Variants in CADM2 observed in about 807,000 individuals in gnomAD.
CADM2 encodes cell adhesion molecule 2.
Under a neutral mutation model 49.8 loss-of-function variants are expected in CADM2, and 12 were observed. The observed-to-expected ratio is 0.24, with a 90% CI of 0.15 to 0.39. The LOEUF (loss-of-function observed/expected upper bound fraction) is 0.39, where lower values mean the gene tolerates loss of function less well. CADM2 is among the 10% of genes least tolerant of loss of function. CADM2 has a pLI of 1.00. For synonymous variants in CADM2, 214 were observed against 175.4 expected, an observed-to-expected ratio of 1.22 and a Z score of -1.74; for missense variants, 378 against 492.3, an observed-to-expected ratio of 0.77 and a Z score of 2.20.
intron 1 of CADM2, among the ~76,000 whole-genome samples, chr3:85,001,373 A>G (rs80305277): frequency 0.045 from 6,743 of 150,628 alleles, 183 homozygotes; most frequent in East Asian, 0.1. Flanking sequence ...CTATCTATCC[A>G]TCTATCCATC....
intron 1 of CADM2, among the ~76,000 whole-genome samples, chr3:85,632,024 A>G (rs928629212): frequency 5.3e-5 from 8 of 152,106 alleles, no homozygotes; most frequent in Non-Finnish European, 1.5e-5. Flanking sequence ...TACAATACTT[A>G]AATGGCTTCT....
intron 8 of CADM2, among the ~76,000 whole-genome samples, chr3:85,990,170 G>A (rs954437655): frequency 2.0e-5 from 3 of 151,872 alleles, no homozygotes; most frequent in Admixed American, 6.6e-5. Flanking sequence ...CCTTCACGAT[G>A]GCACAAAAGT....
intron 1 of CADM2, among the ~76,000 whole-genome samples, chr3:85,313,429 C>T (rs1468228151): frequency 6.6e-6 from 1 of 152,158 alleles, no homozygotes; most frequent in Non-Finnish European, 1.5e-5. Context: ...TTGCTTTTCT[C>T]CCCCAGGATT....
intron 1 of CADM2, among the ~76,000 whole-genome samples, chr3:85,030,749 C>T (rs1001716591): frequency 2.6e-5 from 4 of 152,128 alleles, no homozygotes; most frequent in African/African-American, 4.8e-5. Flanking sequence ...TCAATCTTGG[C>T]GTACACGAGT....
chr3:84,979,801 C>CT (rs994533231), intron 1 of CADM2, among the ~76,000 whole-genome samples: 2 of 151,666 alleles, frequency 1.3e-5, no homozygotes, highest in Non-Finnish European at 2.9e-5. Flanking sequence ...TGGTGAAATG[C>CT]TTTTTTTGAT....
At chr3:85,046,456 A>G (rs1287358478) in intron 1 of CADM2, among the ~76,000 whole-genome samples, 1 of 151,236 alleles carries the variant, frequency 6.6e-6, no homozygotes, top group African/African-American at 2.4e-5. Context: ...TGGTGATTGT[A>G]TCTTATAAAG....
chr3:85,985,702 A>G (rs1046667715), intron 8 of CADM2, among the ~76,000 whole-genome samples: 6 of 152,080 alleles, frequency 3.9e-5, no homozygotes, highest in African/African-American at 1.4e-4. Context: ...CTATAATCCT[A>G]AAACATTGCT....
chr3:85,597,214 TA>T (rs63631260), intron 1 of CADM2, among the ~76,000 whole-genome samples: 30,176 of 151,940 alleles, frequency 0.2, 3,767 homozygotes, highest in East Asian at 0.3. Context: ...AAATGCTGTA[TA>T]CAATAAGTAA....
intron 1 of CADM2, among the ~76,000 whole-genome samples, chr3:85,232,194 A>G (rs1197172992): frequency 2.6e-5 from 4 of 151,078 alleles, no homozygotes; most frequent in Non-Finnish European, 4.4e-5. Flanking sequence ...AAAGGGTGAA[A>G]TGTTCTCTTA....
intron 6 of CADM2, among the ~76,000 whole-genome samples, chr3:85,933,969 C>G (rs1195234748): frequency 6.6e-6 from 1 of 152,048 alleles, no homozygotes; most frequent in African/African-American, 2.4e-5. Context: ...TAATGTTAAT[C>G]TCCTCCAAAA....
chr3:85,566,381 T>A (rs2062255368), intron 1 of CADM2, among the ~76,000 whole-genome samples: 2 of 152,142 alleles, frequency 1.3e-5, no homozygotes, highest in African/African-American at 2.4e-5. Context: ...ATTATAAAAT[T>A]CTTTTTTTAA....
chr3:85,332,841 T>G (rs2044968101), intron 1 of CADM2, among the ~76,000 whole-genome samples: 1 of 131,130 alleles, frequency 7.6e-6, no homozygotes, highest in African/African-American at 3.6e-5. Flanking sequence ...GAACAAGGCT[T>G]TTTTTTATTC....
chr3:85,681,734 T>C (rs1366827879), intron 1 of CADM2, among the ~76,000 whole-genome samples: 1 of 152,182 alleles, frequency 6.6e-6, no homozygotes. Flanking sequence ...TATTAACCCA[T>C]TTAACTTCAT....
In CADM2 at chr3:85,132,454, C is replaced by G. The variant is rs1396554217; in HGVS notation, c.61+172786C>G. ...CCTGGCAGGCAAGAGTTGGTCTGGA[C>G]TTGATCTAACAGATTCCATTTACAA... is the stretch of plus-strand genomic sequence containing the variant. On this transcript the variant is annotated intron_variant, in intron 1 of 9. Transcript: ENST00000383699. 2.0e-5 allele frequency among the ~76,000 whole-genome samples: 3 copies of G among 152,166 alleles called. No individual in the cohort carries two copies. In the East Asian group the frequency reaches 5.8e-4, roughly 29 times the overall value.
chr3:85,738,695 G>A (rs749610904), intron 2 of CADM2, among the ~76,000 whole-genome samples: 10 of 152,002 alleles, frequency 6.6e-5, no homozygotes, highest in Non-Finnish European at 1.3e-4. Flanking sequence ...GACAGGTTAA[G>A]GGAATGCAAG....
chr3:86,056,900 C>G (rs913810780), intron 8 of CADM2, among the ~76,000 whole-genome samples: 6 of 152,144 alleles, frequency 3.9e-5, no homozygotes, highest in Non-Finnish European at 8.8e-5. Context: ...ACACTAAATA[C>G]ATTCTGAGAG....
At chr3:85,870,658 A>G (rs2075893714) in intron 3 of CADM2, among the ~76,000 whole-genome samples, 1 of 152,158 alleles carries the variant, frequency 6.6e-6, no homozygotes, top group Non-Finnish European at 1.5e-5. Flanking sequence ...AATGATGGAC[A>G]TTTAGGTTAA....
At chr3:85,373,576 G>A (rs1388120799) in intron 1 of CADM2, among the ~76,000 whole-genome samples, 1 of 152,160 alleles carries the variant, frequency 6.6e-6, no homozygotes, top group East Asian at 1.9e-4. Flanking sequence ...GAGTCTGTGT[G>A]GGGTCTCTGA....
At chr3:85,239,227 A>T (rs1396374214) in intron 1 of CADM2, among the ~76,000 whole-genome samples, 1 of 151,882 alleles carries the variant, frequency 6.6e-6, no homozygotes, top group African/African-American at 2.4e-5. Flanking sequence ...TAGAACTAGC[A>T]CATAAGTAAA....
Sources: gnomAD v4.1 joint callset for allele counts (sites outside exome capture counted in the v4.1 genomes callset) on GRCh38, gnomAD v4.1.1 for gene constraint, MANE v1.5 for transcripts, NCBI Gene and HGNC (gene_info 2026-07-23, HGNC 2026-07-21) for gene names.